Variants in METTL15 observed in about 807,000 individuals in gnomAD.
The protein encoded by METTL15 is 12S rRNA N(4)-cytidine methyltransferase METTL15.
Under a neutral mutation model 38.3 loss-of-function variants are expected in METTL15, and 34 were observed. That is an observed-to-expected ratio of 0.89 (90% confidence interval 0.68 to 1.18). METTL15 has a LOEUF of 1.18. METTL15 is among the 50% of genes most tolerant of loss of function. The pLI is 0.00. For synonymous variants in METTL15, 162 were observed against 170.9 expected (o/e 0.95, Z 0.41); for missense variants, 438 against 498.4 (o/e 0.88, Z 1.15).
intron 3 of METTL15, among the ~76,000 whole-genome samples, chr11:28,347,487 C>T (rs1190287217): frequency 6.6e-6 from 1 of 152,194 alleles, no homozygotes; most frequent in Non-Finnish European, 1.5e-5. Context: ...ATGCATTTCT[C>T]CTAATAAACT....
At chr11:28,128,739 T>A (rs1388042359) in intron 3 of METTL15, among the ~76,000 whole-genome samples, 1 of 152,134 alleles carries the variant, frequency 6.6e-6, no homozygotes, top group Non-Finnish European at 1.5e-5. Flanking sequence ...GAAACTAAAT[T>A]CTATAAAATG....
chr11:28,435,581 C>T (rs993768055), intron 6 of METTL15, among the ~76,000 whole-genome samples: 4 of 152,150 alleles, frequency 2.6e-5, no homozygotes, highest in African/African-American at 9.7e-5. Context: ...CTGCTTCCTG[C>T]CTATAGAAAA....
At chr11:28,442,726 T>C (rs1224475249) in intron 6 of METTL15, among the ~76,000 whole-genome samples, 2 of 152,240 alleles carry the variant, frequency 1.3e-5, no homozygotes, top group Admixed American at 6.5e-5. Flanking sequence ...GGGAAATCCA[T>C]GGCAAATTTT....
intron 4 of METTL15, among the ~76,000 whole-genome samples, chr11:28,212,054 T>C (rs1852664028): frequency 6.6e-6 from 1 of 151,994 alleles, no homozygotes; most frequent in South Asian, 2.1e-4. Flanking sequence ...GTCTCTTTGG[T>C]GAAGTTCGAA....
Position 28,333,215 on chromosome 11 carries a change from C to T in METTL15, c.*2374C>T, listed in dbSNP as rs1420640820. 1 of 151,662 alleles carries T rather than the reference C, an allele frequency of 6.6e-6. No homozygotes were observed. The highest frequency in any genetic ancestry group is 1.5e-5 in the Non-Finnish European group (1 of 67,960). 9.4% of individuals were successfully genotyped at this position (151,662 alleles called of 1,614,324 possible). ...CAATCCTAGGAAGCTAATACTCTGA[C>T]AGAAAAAAATCTTGGATAATATGCA... On this transcript the variant is annotated 3_prime_UTR_variant, in exon 7 of 7. Coordinates refer to ENST00000407364, the MANE Select transcript of METTL15 (RefSeq NM_001113528.2).
At chr11:28,396,268 A>G (rs533896567) in intron 5 of METTL15, among the ~76,000 whole-genome samples, 11 of 152,174 alleles carry the variant, frequency 7.2e-5, no homozygotes, top group Non-Finnish European at 1.6e-4. Flanking sequence ...AGAAAGAAAT[A>G]AAGCGTATTC....
At chr11:28,405,673 A>T (rs934419337) in intron 5 of METTL15, among the ~76,000 whole-genome samples, 3 of 152,140 alleles carry the variant, frequency 2.0e-5, no homozygotes, top group African/African-American at 7.2e-5. Context: ...TATACCTCAG[A>T]ACACTTTTGA....
chr11:28,237,226 C>T (rs536386850), intron 4 of METTL15, among the ~76,000 whole-genome samples: 1 of 152,318 alleles, frequency 6.6e-6, no homozygotes, highest in South Asian at 2.1e-4. Flanking sequence ...CTCCCCATCA[C>T]TTTCAGGTAC....
chr11:28,123,841 T>A, intron 3 of METTL15: 1 of 1,408,978 alleles, frequency 7.1e-7, no homozygotes, highest in Middle Eastern at 1.9e-4. Flanking sequence ...TTTTGTTACA[T>A]GTATTTTTCT....
chr11:28,300,268 A>C (rs1310926288), intron 6 of METTL15, among the ~76,000 whole-genome samples: 1 of 152,140 alleles, frequency 6.6e-6, no homozygotes, highest in Non-Finnish European at 1.5e-5. Context: ...AATATGTTCA[A>C]AACTATCAAG....
intron 6 of METTL15, among the ~76,000 whole-genome samples, chr11:28,515,001 G>A (rs1487177332): frequency 6.6e-6 from 1 of 152,140 alleles, no homozygotes; most frequent in Non-Finnish European, 1.5e-5. Flanking sequence ...TAAATTTAAA[G>A]AAATAATGAT....
intron 6 of METTL15, among the ~76,000 whole-genome samples, chr11:28,449,164 T>C (rs764007932): frequency 2.6e-5 from 4 of 152,190 alleles, no homozygotes; most frequent in Non-Finnish European, 4.4e-5. Context: ...GATGCTAAAA[T>C]ATCCTGAAAG....
chr11:28,170,166 G>A (rs1275955724), intron 3 of METTL15, among the ~76,000 whole-genome samples: 1 of 152,132 alleles, frequency 6.6e-6, no homozygotes, highest in East Asian at 1.9e-4. Flanking sequence ...ATAGCAATAG[G>A]TTGCTCAGAA....
At chr11:28,273,093 A>G (rs1475826130) in intron 4 of METTL15, among the ~76,000 whole-genome samples, 1 of 152,188 alleles carries the variant, frequency 6.6e-6, no homozygotes, top group Non-Finnish European at 1.5e-5. Context: ...TATTCTGTGA[A>G]TCATAAAGTA....
chr11:28,118,665 T>A (rs936123051), intron 3 of METTL15, among the ~76,000 whole-genome samples: 1 of 152,134 alleles, frequency 6.6e-6, no homozygotes, highest in African/African-American at 2.4e-5. Context: ...CTTGCCCCAG[T>A]AGTAGTGCTA....
chr11:28,228,154 G>A lies in METTL15; in HGVS notation c.407+16956G>A, dbSNP rs912529267. ...ATTTTTATTCTCACAGAAGACTTTC[G>A]GTAATTACCTTTTTCTCAGAATCTC... On this transcript the variant is annotated intron_variant, in intron 4 of 6. Coordinates refer to ENST00000407364, the MANE Select transcript of METTL15 (RefSeq NM_001113528.2). 5.3e-5 allele frequency among the ~76,000 whole-genome samples: 8 copies of A among 151,676 alleles called. No individual in the cohort carries two copies. In the South Asian group the frequency reaches 8.3e-4, roughly 16 times the overall value.
At chr11:28,521,294 AG>A (rs984449027) in intron 6 of METTL15, among the ~76,000 whole-genome samples, 1 of 152,192 alleles carries the variant, frequency 6.6e-6, no homozygotes, top group African/African-American at 2.4e-5. Context: ...CTGACATGTC[AG>A]GGCCTGTCCG....
At chr11:28,143,123 C>G (rs1026170870) in intron 3 of METTL15, among the ~76,000 whole-genome samples, 2 of 151,608 alleles carry the variant, frequency 1.3e-5, no homozygotes, top group Non-Finnish European at 2.9e-5. Flanking sequence ...AATAGAAGAT[C>G]ACATTTTTTT....
At chr11:28,298,233 A>G (rs1856804931) in intron 6 of METTL15, among the ~76,000 whole-genome samples, 1 of 152,080 alleles carries the variant, frequency 6.6e-6, no homozygotes, top group African/African-American at 2.4e-5. Context: ...CTCCGTACTC[A>G]CTAACATGTC....
Sources: gnomAD v4.1 joint callset for allele counts (sites outside exome capture counted in the v4.1 genomes callset) on GRCh38, gnomAD v4.1.1 for gene constraint, MANE v1.5 for transcripts, NCBI Gene and HGNC (gene_info 2026-07-23, HGNC 2026-07-21) for gene names.